The following TACR2 variants were observed in gnomAD, a reference collection of about 807,000 sequenced individuals.
TACR2 encodes tachykinin receptor 2.
Under a neutral mutation model 28.9 loss-of-function variants are expected in TACR2, and 24 were observed. That is an observed-to-expected ratio of 0.83 (90% confidence interval 0.60 to 1.17). The LOEUF is 1.17. Among genes scored for constraint, TACR2 ranks in the 50% most tolerant of loss-of-function variants. TACR2 has a pLI of 0.00. For synonymous variants in TACR2, 222 were observed against 212.6 expected, an observed-to-expected ratio of 1.04 and a Z score of -0.38; for missense variants, 487 against 524.4, an observed-to-expected ratio of 0.93 and a Z score of 0.70.
chr10:69,415,403 C>T (rs566134421), intron 1 of TACR2, among the ~76,000 whole-genome samples: 20 of 152,296 alleles, frequency 1.3e-4, no homozygotes, highest in African/African-American at 4.3e-4. Flanking sequence ...TGCCCGTGGA[C>T]GGCCACAAGA....
intron 2 of TACR2, 30 bp from the exon 3 acceptor site, chr10:69,409,105 G>A: frequency 3.9e-6 from 6 of 1,546,404 alleles, no homozygotes; most frequent in Non-Finnish European, 5.2e-6. Flanking sequence ...CTGGGCAGCG[G>A]AGGGCCCGGG....
rs768352236 is a variant in TACR2, at chr10:69,408,909, C to T, written c.741+13G>A. On this transcript the variant is annotated intron_variant, in intron 3 of 4. Coordinates refer to ENST00000373306, the MANE Select transcript of TACR2 (RefSeq NM_001057.3). ...AGGCCCCGCCCCCTCCAGGCCCCCG[C>T]CCCCGCGCCCACCTTCTTCATGGCC... is the stretch of plus-strand genomic sequence containing the variant. 6.1e-6 allele frequency: 8 copies of T among 1,309,932 alleles called. No individual in the cohort carries two copies. Among genetic ancestry groups the T allele is most frequent in the African/African-American group, 3.8e-5 (2 of 53,310 alleles). The allele number at this position is 1,309,932 out of a possible 1,614,324, so 81.1% of individuals were successfully genotyped here.
intron 2 of TACR2, among the ~76,000 whole-genome samples, chr10:69,410,036 G>A (rs1034280408): frequency 1.3e-5 from 2 of 151,012 alleles, no homozygotes; most frequent in African/African-American, 2.4e-5. Flanking sequence ...GTGGAAAAGC[G>A]CCATATATCA....
Position 69,415,059 on chromosome 10 carries a change from A to C in TACR2, c.473T>G (p.Val158Gly). 1 of 1,613,766 alleles carries C rather than the reference A, an allele frequency of 6.2e-7. No homozygotes were observed. The highest frequency in any genetic ancestry group is 8.5e-7 in the Non-Finnish European group (1 of 1,180,004). Residue 158 changes from valine (V) to glycine (G), a missense_variant, in exon 2 of 5, where the codon GTG becomes GGG. Val to Gly is a moderately radical substitution (Grantham distance 109). Transcript: ENST00000373306. ...TKAVIAGIWL[V>G]ALALASPQCF... Reference sequence around the variant, plus strand: ...CTGAGGGGAGGCCAGGGCGAGAGCCACCAGCCAGATGCCAGCAATAACCGC... The same window carrying C: ...CTGAGGGGAGGCCAGGGCGAGAGCCCCCAGCCAGATGCCAGCAATAACCGC...
chr10:69,408,927 T>A lies in TACR2; in HGVS notation c.736A>T (p.Lys246Ter). ...GANLRHLQAM[K>*]KFVKTMVLVV... ...GCCCCCGCCCCCGCGCCCACCTTCT[T>A]CATGGCCTGCAGGTGGCGCAGGTTG... The change falls in exon 3 of 5, where the codon AAG (lysine) becomes TAG (stop). Residue 246 changes from lysine (K) to a stop codon, truncating the protein, a stop_gained. Coordinates refer to ENST00000373306, the MANE Select transcript of TACR2 (RefSeq NM_001057.3). LOFTEE classifies it high-confidence loss of function. The A allele has an allele frequency of 6.9e-7, 1 of 1,456,224 alleles. No homozygotes were observed. Among genetic ancestry groups the A allele is most frequent in the Non-Finnish European group, 9.1e-7 (1 of 1,102,180 alleles). 90.2% of individuals were successfully genotyped at this position (1,456,224 alleles called of 1,614,324 possible). A position where few individuals can be genotyped will look rare whatever the true frequency, so the allele number is the denominator to read the frequency against.
At position 69,408,682 on chromosome 10, in the gene TACR2, G is replaced by A. The variant is rs574431337; in HGVS notation, c.741+240C>T. ...CTGGGAGGAACGCGGTCAGGCTCTGGCCCCAGACTTCGCGCGAAGGCAGCT... is the reference window on the plus strand; with the variant it reads ...CTGGGAGGAACGCGGTCAGGCTCTGACCCCAGACTTCGCGCGAAGGCAGCT... On this transcript the variant is annotated intron_variant, in intron 3 of 4. Transcript: ENST00000373306. Among the ~76,000 whole-genome samples, 22 of 152,296 alleles carry A rather than the reference G, an allele frequency of 1.4e-4. 1 individual carries two copies. In the South Asian group the frequency reaches 4.3e-3, roughly 30 times the overall value.
chr10:69,410,518 CAA>C (rs774971144), intron 2 of TACR2, among the ~76,000 whole-genome samples: 1 of 89,044 alleles, frequency 1.1e-5, no homozygotes, highest in African/African-American at 5.5e-5. Flanking sequence ...GAGACCCTGT[CAA>C]AAAAAAAAAA....
At position 69,408,945 on chromosome 10, in the gene TACR2, G is replaced by C. The variant is rs1840533458; in HGVS notation, c.718C>G (p.Arg240Gly). ...PGHQAHGANL[R>G]HLQAMKKFVK... ...ACCTTCTTCATGGCCTGCAGGTGGC[G>C]CAGGTTGGCACCGTGCGCCTGATGT... The change falls in exon 3 of 5, where the codon CGC becomes GGC. Residue 240 changes from arginine (R) to glycine (G), a missense_variant. Physicochemically the swap from Arg to Gly is moderately radical, Grantham distance 125 (BLOSUM62 -2). Transcript: ENST00000373306. 11 of 1,510,770 alleles carry C rather than the reference G, an allele frequency of 7.3e-6. No homozygotes were observed. Among genetic ancestry groups the C allele is most frequent in the African/African-American group, 1.5e-5 (1 of 68,564 alleles). 93.6% of individuals were successfully genotyped at this position (1,510,770 alleles called of 1,614,324 possible). A position where few individuals can be genotyped will look rare whatever the true frequency, so the allele number is the denominator to read the frequency against.
chr10:69,414,255 C>G (rs1012132518), intron 2 of TACR2, among the ~76,000 whole-genome samples: 4 of 152,214 alleles, frequency 2.6e-5, no homozygotes, highest in South Asian at 2.1e-4. Context: ...GAAAATGTCC[C>G]AGGCTCCATC....
At chr10:69,413,122 G>A (rs1292499401) in intron 2 of TACR2, among the ~76,000 whole-genome samples, 2 of 151,968 alleles carry the variant, frequency 1.3e-5, no homozygotes, top group African/African-American at 4.8e-5. Context: ...TGATTTTGGG[G>A]GTGTGTGCGC....
chr10:69,413,772 T>G (rs545250855), intron 2 of TACR2, among the ~76,000 whole-genome samples: 2 of 152,338 alleles, frequency 1.3e-5, no homozygotes, highest in Admixed American at 6.5e-5. Flanking sequence ...ACCCTCATGC[T>G]TGGGGCAGCT....
At chr10:69,411,387 A>G (rs1050096509) in intron 2 of TACR2, among the ~76,000 whole-genome samples, 12 of 152,216 alleles carry the variant, frequency 7.9e-5, no homozygotes, top group East Asian at 1.9e-4. Context: ...AATTCAGTTC[A>G]TGATTTTACT....
At chr10:69,410,684 C>A (rs1284082143) in intron 2 of TACR2, among the ~76,000 whole-genome samples, 2 of 152,106 alleles carry the variant, frequency 1.3e-5, no homozygotes, top group African/African-American at 2.4e-5. Context: ...GGATGCCACT[C>A]CCCTGTGTTG....
chr10:69,410,540 G>GAAAA (rs1840561654), intron 2 of TACR2, among the ~76,000 whole-genome samples: 1 of 122,152 alleles, frequency 8.2e-6, no homozygotes. Flanking sequence ...ACAAAAAAAC[G>GAAAA]ACAGTGTCCC....
chr10:69,406,069 T>C (rs1038001834), intron 4 of TACR2, among the ~76,000 whole-genome samples: 26 of 152,180 alleles, frequency 1.7e-4, no homozygotes, highest in African/African-American at 6.0e-4. Context: ...CTGCAAAAAA[T>C]CATAGCTCCT....
At chr10:69,406,247 C>CT (rs1412174446) in intron 4 of TACR2, among the ~76,000 whole-genome samples, 1 of 152,180 alleles carries the variant, frequency 6.6e-6, no homozygotes, top group African/African-American at 2.4e-5. Context: ...GAGACTGTGT[C>CT]CACCTCTTGC....
Position 69,416,422 on chromosome 10 carries a change from A to G in TACR2, c.-99T>C. 1 of 1,492,168 alleles carries G rather than the reference A, an allele frequency of 6.7e-7. No individual in the cohort carries two copies. The highest frequency in any genetic ancestry group is 8.9e-7 in the Non-Finnish European group (1 of 1,118,424). 92.4% of individuals were successfully genotyped at this position (1,492,168 alleles called of 1,614,324 possible). A position where few individuals can be genotyped will look rare whatever the true frequency, so the allele number is the denominator to read the frequency against. On this transcript the variant is annotated 5_prime_UTR_variant, in exon 1 of 5. Coordinates refer to ENST00000373306, the MANE Select transcript of TACR2 (RefSeq NM_001057.3). Reference sequence around the variant, plus strand: ...CTTCAGAGCATGGGAATATGGGGGCAGGGAGAGGAGCAGATGCCAAGCGTG... The same window carrying G: ...CTTCAGAGCATGGGAATATGGGGGCGGGGAGAGGAGCAGATGCCAAGCGTG...
chr10:69,409,890 CATAT>C (rs1390944288), intron 2 of TACR2, among the ~76,000 whole-genome samples: 1 of 35,354 alleles, frequency 2.8e-5, no homozygotes, highest in Non-Finnish European at 4.7e-5. Flanking sequence ...TACATATATA[CATAT>C]ATATATATAC....
intron 3 of TACR2, among the ~76,000 whole-genome samples, chr10:69,407,825 C>T (rs1840517510): frequency 6.6e-6 from 1 of 152,224 alleles, no homozygotes; most frequent in African/African-American, 2.4e-5. Context: ...CTCCGTTTGG[C>T]AGCCCAGCAT....
Sources: gnomAD v4.1 joint callset for allele counts (sites outside exome capture counted in the v4.1 genomes callset) on GRCh38, gnomAD v4.1.1 for gene constraint, MANE v1.5 for transcripts, NCBI Gene and HGNC (gene_info 2026-07-23, HGNC 2026-07-21) for gene names.